SGCD: variants seen among roughly 807,000 people sequenced by gnomAD.
SGCD encodes delta-sarcoglycan.
In SGCD, 18 loss-of-function variants were observed where a neutral mutation model predicts 36.6. The ratio of observed to expected loss-of-function variants is 0.49; its 90% confidence interval spans 0.34 to 0.73. SGCD has a LOEUF of 0.73. Among genes scored for constraint, SGCD ranks in the 30% least tolerant of loss-of-function variants. The pLI is 0.01. For synonymous variants in SGCD, 133 were observed against 130.6 expected, an observed-to-expected ratio of 1.02 and a Z score of -0.12; for missense variants, 387 against 346.7, an observed-to-expected ratio of 1.12 and a Z score of -0.92.
intron 2 of SGCD, among the ~76,000 whole-genome samples, chr5:156,330,769 G>GA (rs1768033229): frequency 6.6e-6 from 1 of 151,914 alleles, no homozygotes; most frequent in African/African-American, 2.4e-5. Context: ...CAGCAAGAAA[G>GA]AAAAAAATGG....
intron 3 of SGCD, among the ~76,000 whole-genome samples, chr5:156,350,521 C>A (rs1041570459): frequency 6.6e-6 from 1 of 151,952 alleles, no homozygotes; most frequent in African/African-American, 2.4e-5. Context: ...GCTGGAAGAG[C>A]CTTTCCAGTA....
chr5:155,839,058 G>A, the SGCD span, among the ~76,000 whole-genome samples: 1 of 150,592 alleles, frequency 6.6e-6, no homozygotes, highest in Admixed American at 6.6e-5. Context: ...GTGGGTAGGA[G>A]CAAATGGTTA....
At chr5:155,924,257 A>T (rs991019524) in intron 1 of SGCD, among the ~76,000 whole-genome samples, 7 of 152,252 alleles carry the variant, frequency 4.6e-5, no homozygotes, top group Admixed American at 2.0e-4. Context: ...TCACTAATGC[A>T]CAAAAGAAGA....
intron 3 of SGCD, among the ~76,000 whole-genome samples, chr5:156,147,391 A>G (rs1167760397): frequency 6.6e-6 from 1 of 152,214 alleles, no homozygotes; most frequent in African/African-American, 2.4e-5. Flanking sequence ...TGTCATATCT[A>G]AAAGAGTTCA....
At chr5:156,146,700 G>C (rs756856147) in intron 3 of SGCD, among the ~76,000 whole-genome samples, 5 of 152,066 alleles carry the variant, frequency 3.3e-5, no homozygotes, top group Non-Finnish European at 7.4e-5. Flanking sequence ...ATCCCAAAAA[G>C]GTAAATGATG....
intron 4 of SGCD, among the ~76,000 whole-genome samples, chr5:156,531,411 T>A (rs1757883396): frequency 1.3e-5 from 2 of 152,172 alleles, no homozygotes; most frequent in African/African-American, 4.8e-5. Flanking sequence ...GGAAGTATAA[T>A]GAAAACAGGA....
the SGCD span, among the ~76,000 whole-genome samples, chr5:155,781,951 G>A: frequency 6.6e-6 from 1 of 151,998 alleles, no homozygotes; most frequent in Non-Finnish European, 1.5e-5. Context: ...ATGGAGGGAA[G>A]GGCAGAGTGG....
At chr5:156,756,349 C>A (rs1757334238) in intron 7 of SGCD, among the ~76,000 whole-genome samples, 1 of 152,094 alleles carries the variant, frequency 6.6e-6, no homozygotes, top group African/African-American at 2.4e-5. Flanking sequence ...GAATTTGAGA[C>A]CAGCCTGGGC....
chr5:156,591,289 T>A (rs910066658), intron 5 of SGCD, among the ~76,000 whole-genome samples: 1 of 152,226 alleles, frequency 6.6e-6, no homozygotes, highest in African/African-American at 2.4e-5. Context: ...ACCTAAAGAA[T>A]GTCTCAAAAA....
At chr5:156,585,443 G>T (rs1760453013) in intron 4 of SGCD, among the ~76,000 whole-genome samples, 1 of 152,144 alleles carries the variant, frequency 6.6e-6, no homozygotes, top group Non-Finnish European at 1.5e-5. Context: ...TGATTTTAAT[G>T]ACAAATCTCA....
rs369434183 is a variant in SGCD, at chr5:156,759,358, A to G, written c.841A>G (p.Thr281Ala). 3 of 1,611,844 alleles carry G rather than the reference A, an allele frequency of 1.9e-6. No individual in the cohort carries two copies. The African/African-American group carries it at 4.0e-5, about 22-fold the overall frequency. ...LFLSQAGAGS[T>A]CQINTSVCL ...CCTGTCTCAGGCAGGAGCTGGGTCC[A>G]CTTGTCAGATAAACACAAGTGTCTG... The change falls in exon 9 of 9, where the codon ACT becomes GCT. Residue 281 changes from threonine (T) to alanine (A), a missense_variant. Transcript: ENST00000337851.
intron 3 of SGCD, among the ~76,000 whole-genome samples, chr5:156,131,229 C>A (rs1762313857): frequency 1.3e-5 from 2 of 152,136 alleles, no homozygotes; most frequent in Admixed American, 1.3e-4. Flanking sequence ...ATATGACTTG[C>A]AGAGGCAATG....
chr5:155,829,022 A>G, the SGCD span, among the ~76,000 whole-genome samples: 1 of 151,944 alleles, frequency 6.6e-6, no homozygotes, highest in East Asian at 1.9e-4. Flanking sequence ...TTGTCTTTGC[A>G]TGGTTCGGTC....
intron 1 of SGCD, among the ~76,000 whole-genome samples, chr5:156,070,864 G>C (rs911715692): frequency 6.6e-6 from 1 of 152,158 alleles, no homozygotes; most frequent in Non-Finnish European, 1.5e-5. Flanking sequence ...TCTTGGGAGG[G>C]TGTATGTGAT....
At chr5:156,632,943 A>G (rs1762691244) in intron 6 of SGCD, among the ~76,000 whole-genome samples, 1 of 152,216 alleles carries the variant, frequency 6.6e-6, no homozygotes, top group Admixed American at 6.5e-5. Flanking sequence ...CAGAGTATTC[A>G]TTGCAAGGTT....
intron 1 of SGCD, among the ~76,000 whole-genome samples, chr5:156,115,613 C>A (rs183364309): frequency 5.7e-4 from 86 of 152,038 alleles, no homozygotes; most frequent in African/African-American, 1.5e-3. Context: ...TTCAAATTAT[C>A]GATTATATTT....
chr5:155,861,664 G>T, the SGCD span, among the ~76,000 whole-genome samples: 1 of 152,126 alleles, frequency 6.6e-6, no homozygotes, highest in Non-Finnish European at 1.5e-5. Context: ...GTTGCAGTGA[G>T]CCAAGATTGT....
At chr5:156,715,342 T>C (rs554056222) in intron 7 of SGCD, among the ~76,000 whole-genome samples, 1 of 152,336 alleles carries the variant, frequency 6.6e-6, no homozygotes, top group East Asian at 1.9e-4. Context: ...ATTTGGTTGC[T>C]GAAGTCAGAC....
At chr5:156,374,979 T>C (rs1264883924) in intron 3 of SGCD, among the ~76,000 whole-genome samples, 1 of 152,226 alleles carries the variant, frequency 6.6e-6, no homozygotes, top group Admixed American at 6.5e-5. Context: ...AACATCACTC[T>C]TCACAGTCTT....
Sources: gnomAD v4.1 joint callset for allele counts (sites outside exome capture counted in the v4.1 genomes callset) on GRCh38, gnomAD v4.1.1 for gene constraint, MANE v1.5 for transcripts, NCBI Gene and HGNC (gene_info 2026-07-23, HGNC 2026-07-21) for gene names.